NUFIP2: variants seen among roughly 807,000 people sequenced by gnomAD.
The protein encoded by NUFIP2 is FMR1-interacting protein NUFIP2.
NUFIP2 carries 6 observed loss-of-function variants against 56.9 expected under a neutral mutation model. The observed-to-expected ratio is 0.11, with a 90% CI of 0.06 to 0.21. The LOEUF is 0.21. NUFIP2 is among the 10% of genes least tolerant of loss of function. NUFIP2 has a pLI of 1.00. For synonymous variants in NUFIP2, 321 were observed against 298.2 expected (o/e 1.08, Z -0.79); for missense variants, 828 against 826.8 (o/e 1.00, Z -0.02).
intron 2 of NUFIP2, among the ~76,000 whole-genome samples, chr17:29,272,891 C>A (rs529384795): frequency 2.0e-5 from 3 of 151,352 alleles, no homozygotes; most frequent in Non-Finnish European, 4.4e-5. Flanking sequence ...TTGCTGTCGC[C>A]CAGGCTGAAG....
chr17:29,278,372 G>A (rs887584186), intron 2 of NUFIP2, among the ~76,000 whole-genome samples: 2 of 151,388 alleles, frequency 1.3e-5, no homozygotes, highest in African/African-American at 2.4e-5. Flanking sequence ...TCAGCCTCCC[G>A]AGTAGCTGGG....
chr17:29,262,718 A>C lies in NUFIP2; in HGVS notation c.*1821T>G, dbSNP rs892058261. 4 of 147,380 alleles carry C rather than the reference A, an allele frequency of 2.7e-5. No individual in the cohort carries two copies. Among genetic ancestry groups the C allele is most frequent in the African/African-American group, 1.0e-4 (4 of 39,592 alleles). The allele number at this position is 147,380 out of a possible 1,614,324, so 9.1% of individuals were successfully genotyped here. A position where few individuals can be genotyped will look rare whatever the true frequency, so the allele number is the denominator to read the frequency against. On this transcript the variant is annotated 3_prime_UTR_variant, in exon 4 of 4. Coordinates refer to ENST00000225388, the MANE Select transcript of NUFIP2 (RefSeq NM_020772.3). Reference sequence around the variant, plus strand: ...CAAGTTTCTGAACCTGGACTGATACAATAAGTTATTTTATATATATATATA... The same window carrying C: ...CAAGTTTCTGAACCTGGACTGATACCATAAGTTATTTTATATATATATATA...
rs1019914978 is a variant in NUFIP2, at chr17:29,257,051, T to A, written c.*7488A>T. ...CTTTCAGTTTGAATTACTTTCCATT[T>A]CTATTTGATCAAATAAACCAAAATA... On this transcript the variant is annotated 3_prime_UTR_variant, in exon 4 of 4. Transcript: ENST00000225388. 2.6e-5 allele frequency: 4 copies of A among 152,202 alleles called. No homozygotes were observed. The highest frequency in any genetic ancestry group is 2.6e-4 in the Admixed American group (4 of 15,276). The allele number at this position is 152,202 out of a possible 1,614,324, so 9.4% of individuals were successfully genotyped here. A position where few individuals can be genotyped will look rare whatever the true frequency, so the allele number is the denominator to read the frequency against.
intron 2 of NUFIP2, among the ~76,000 whole-genome samples, chr17:29,278,208 T>C (rs535549357): frequency 3.8e-4 from 58 of 152,032 alleles, no homozygotes; most frequent in Non-Finnish European, 6.8e-4. Context: ...TTTTGTTATT[T>C]TTCTCTTTTC....
intron 2 of NUFIP2, among the ~76,000 whole-genome samples, chr17:29,283,330 T>A (rs1029354484): frequency 2.6e-5 from 4 of 152,168 alleles, no homozygotes; most frequent in Non-Finnish European, 5.9e-5. Flanking sequence ...ATGGAACATA[T>A]CCTACACATT....
rs746649930 is a variant in NUFIP2 at position 29,286,241 on chromosome 17, T to G, written c.1753A>C (p.Thr585Pro). 1.9e-6 allele frequency: 3 copies of G among 1,614,224 alleles called. No individual in the cohort carries two copies. The East Asian group carries it at 6.7e-5, about 36-fold the overall frequency. Residue 585 changes from threonine (T) to proline (P), a missense_variant, in exon 2 of 4, where the codon ACT becomes CCT. Physicochemically the swap from Thr to Pro is conservative, Grantham distance 38. Transcript: ENST00000225388. Reference sequence around the variant, plus strand: ...AAGGATAAGGCTCCACTCTCACTAGTAGTCCCAGATTTTAGAATGCTACCC... The same window carrying G: ...AAGGATAAGGCTCCACTCTCACTAGGAGTCCCAGATTTTAGAATGCTACCC... ...VLGSILKSGT[T>P]SESGALSLEP...
At chr17:29,288,807 A>G (rs1409345859) in intron 1 of NUFIP2, among the ~76,000 whole-genome samples, 2 of 152,378 alleles carry the variant, frequency 1.3e-5, no homozygotes, top group Admixed American at 1.3e-4. Flanking sequence ...ATTTACTAAC[A>G]AAACAACAAT....
In NUFIP2 at chr17:29,261,537, T is replaced by C. The variant is rs1286181119; in HGVS notation, c.*3002A>G. On this transcript the variant is annotated 3_prime_UTR_variant, in exon 4 of 4. Transcript: ENST00000225388. ...CTCTGAGTTGAAGGAAAATTCTTTA[T>C]ACCAAACAATAACACGTTATTTAAA... 1.3e-5 allele frequency: 2 copies of C among 152,218 alleles called. No individual in the cohort carries two copies. Among genetic ancestry groups the C allele is most frequent in the Non-Finnish European group, 2.9e-5 (2 of 67,994 alleles). 9.4% of individuals were successfully genotyped at this position (152,218 alleles called of 1,614,324 possible). A position where few individuals can be genotyped will look rare whatever the true frequency, so the allele number is the denominator to read the frequency against.
rs576815866 is a variant in NUFIP2 at position 29,269,083 on chromosome 17, G to T, written c.2003-1553C>A. On this transcript the variant is annotated intron_variant, in intron 2 of 3. Transcript: ENST00000225388. ...TCAACAGTAATTGACTATTACACAAGAACCAAAGAATTGGACCTTGAAAGG... is the reference window on the plus strand; with the variant it reads ...TCAACAGTAATTGACTATTACACAATAACCAAAGAATTGGACCTTGAAAGG... 1.3e-4 allele frequency among the ~76,000 whole-genome samples: 20 copies of T among 152,142 alleles called. No individual in the cohort carries two copies. In the South Asian group the frequency reaches 2.7e-3, roughly 20 times the overall value.
Position 29,287,264 on chromosome 17 carries a change from T to G in NUFIP2, c.730A>C (p.Ile244Leu), listed in dbSNP as rs771665567. The G allele has an allele frequency of 6.2e-7, 1 of 1,614,206 alleles. No homozygotes were observed. The highest frequency in any genetic ancestry group is 8.5e-7 in the Non-Finnish European group (1 of 1,180,042). ...CENLNIVQDK[I>L]MQQETSVPTL... ...GGGACACTGGTCTCTTGTTGCATTATTTTGTCCTGCACTATATTAAGGTTT... is the reference window on the plus strand; with the variant it reads ...GGGACACTGGTCTCTTGTTGCATTAGTTTGTCCTGCACTATATTAAGGTTT... The change falls in exon 2 of 4, where the codon ATA (isoleucine) becomes CTA (leucine). Residue 244 changes from isoleucine to leucine, a missense_variant. Ile to Leu is a conservative substitution (Grantham distance 5). This residue lies in a region of NUFIP2 where 415 missense variants were observed against 408.7 expected (regional missense o/e 1.02). Transcript: ENST00000225388.
intron 1 of NUFIP2, among the ~76,000 whole-genome samples, chr17:29,292,407 ATT>A (rs35830192): frequency 8.6e-5 from 12 of 140,302 alleles, no homozygotes; most frequent in Admixed American, 1.4e-4. Context: ...AGGTTTTTGG[ATT>A]TTTTTTTTTT....
In NUFIP2 at chr17:29,265,220, T is replaced by A. The variant is rs547520657; in HGVS notation, c.2036-629A>T. Among the ~76,000 whole-genome samples the A allele has an allele frequency of 1.2e-4, 19 of 152,218 alleles. No individual in the cohort carries two copies. In the East Asian group the frequency reaches 3.7e-3, roughly 29 times the overall value. On this transcript the variant is annotated intron_variant, in intron 3 of 3. Coordinates refer to ENST00000225388, the MANE Select transcript of NUFIP2 (RefSeq NM_020772.3). Reference sequence around the variant, plus strand: ...ATGTGTCTGGAAGAAGACTCCAGGGTTATTCTAAATTCTTACTATTTAAGC... The same window carrying A: ...ATGTGTCTGGAAGAAGACTCCAGGGATATTCTAAATTCTTACTATTTAAGC...
intron 1 of NUFIP2, 144 bp downstream of exon 1, chr17:29,293,639 G>C: frequency 1.1e-6 from 1 of 883,984 alleles, no homozygotes; most frequent in Non-Finnish European, 1.6e-6. Flanking sequence ...CCGAGCTCTA[G>C]AATGAAAGGG....
At chr17:29,270,774 C>T (rs2069067361) in intron 2 of NUFIP2, among the ~76,000 whole-genome samples, 1 of 151,570 alleles carries the variant, frequency 6.6e-6, no homozygotes. Flanking sequence ...GAGGGACCAG[C>T]CTGGGAAACA....
rs200163985 is a variant in NUFIP2 at position 29,286,857 on chromosome 17, T to C, written c.1137A>G (p.Ser379=). The C allele has an allele frequency of 1.2e-5, 19 of 1,614,126 alleles. No homozygotes were observed. In the East Asian group the frequency reaches 2.9e-4, roughly 25 times the overall value. ...CGGTAGATGATGAAGATGATGAAGA[T>C]GAAGTTGGTGACACAGAAGAGTTCT... ...TIQNSSVSPT[S]SSSSSSSTGE... Residue 379 remains serine, a synonymous_variant, in exon 2 of 4, where the codon TCA becomes TCG. Coordinates refer to ENST00000225388, the MANE Select transcript of NUFIP2 (RefSeq NM_020772.3).
intron 2 of NUFIP2, among the ~76,000 whole-genome samples, chr17:29,273,461 C>T (rs2069088403): frequency 6.6e-6 from 1 of 152,120 alleles, no homozygotes; most frequent in African/African-American, 2.4e-5. Flanking sequence ...CGTGAGCCAT[C>T]ACGCCCAGCC....
rs2153012660 is a variant in NUFIP2, at chr17:29,287,721, G to A, written c.278-5C>T. On this transcript the variant is annotated splice_polypyrimidine_tract_variant and splice_region_variant and intron_variant, in intron 1 of 3. Transcript: ENST00000225388. The stretch of plus-strand genomic sequence containing the variant: ...TACCGTTTAGTTCACCATAGCCTAG[G>A]GGAGGGGAAAAAAAGGATTAAAAAA... 6.4e-7 allele frequency: 1 copy of A among 1,562,816 alleles called. No homozygotes were observed. Among genetic ancestry groups the A allele is most frequent in the Non-Finnish European group, 8.6e-7 (1 of 1,163,682 alleles).
At position 29,264,245 on chromosome 17, in the gene NUFIP2, T is replaced by C. The variant is rs140777493; in HGVS notation, c.*294A>G. ...ATTCATTAATCACTTGCATTCACAC[T>C]TAAAAACAAAAACTAACAGAAGAAA... On this transcript the variant is annotated 3_prime_UTR_variant, in exon 4 of 4. Coordinates refer to ENST00000225388, the MANE Select transcript of NUFIP2 (RefSeq NM_020772.3). 2.9e-3 allele frequency: 450 copies of C among 155,350 alleles called. 5 individuals are homozygous for C. The highest frequency in any genetic ancestry group is 0.01 in the African/African-American group (427 of 41,574). The allele number at this position is 155,350 out of a possible 1,614,324, so 9.6% of individuals were successfully genotyped here. A position where few individuals can be genotyped will look rare whatever the true frequency, so the allele number is the denominator to read the frequency against.
At chr17:29,274,367 G>A (rs551953986) in intron 2 of NUFIP2, among the ~76,000 whole-genome samples, 2 of 152,288 alleles carry the variant, frequency 1.3e-5, no homozygotes, top group South Asian at 4.1e-4. Flanking sequence ...CAGCTACTCA[G>A]GAGGCTGAAG....
Sources: gnomAD v4.1 joint callset for allele counts (sites outside exome capture counted in the v4.1 genomes callset) on GRCh38, gnomAD v4.1.1 for gene constraint, gnomAD v4.1.1 regional missense constraint, MANE v1.5 for transcripts, NCBI Gene and HGNC (gene_info 2026-07-23, HGNC 2026-07-21) for gene names.